DOCK8: variants seen among roughly 807,000 people sequenced by gnomAD.
DOCK8 encodes the protein dedicator of cytokinesis protein 8.
A neutral mutation model predicts 245.6 loss-of-function variants in DOCK8; 141 were observed. That is an observed-to-expected ratio of 0.57 (90% CI 0.50 to 0.66). DOCK8 has a LOEUF of 0.66. DOCK8 is among the 30% of genes least tolerant of loss of function. The pLI, the probability that DOCK8 is intolerant of heterozygous loss-of-function variation, is 0.00. For synonymous variants in DOCK8, 1,168 were observed against 970.2 expected (o/e 1.20, Z -3.79); for missense variants, 2,965 against 2,603.4 (o/e 1.14, Z -3.02).
intron 7 of DOCK8, among the ~76,000 whole-genome samples, chr9:319,358 G>A (rs1044417233): frequency 3.3e-5 from 5 of 152,148 alleles, no homozygotes; most frequent in Non-Finnish European, 7.4e-5. Context: ...TGATGTCCCC[G>A]CAACTGCCAA....
At chr9:421,471 ATCT>A (rs2056277213) in intron 32 of DOCK8, among the ~76,000 whole-genome samples, 1 of 152,188 alleles carries the variant, frequency 6.6e-6, no homozygotes, top group South Asian at 2.1e-4. Context: ...CCCCAAGATC[ATCT>A]TCTCGATCAT....
chr9:432,223 G>C lies in DOCK8; in HGVS notation c.4684G>C (p.Ala1562Pro). The C allele has an allele frequency of 6.2e-7, 1 of 1,613,404 alleles. No homozygotes were observed. Among genetic ancestry groups the C allele is most frequent in the Non-Finnish European group, 8.5e-7 (1 of 1,179,922 alleles). ...GTCCCTGGCATCTTTGGTGGGAAGA[G>C]CACCAGACTTTAATGAAGAGCACCT... ...TMSLASLVGRAPDFNEEHLRR... is the reference protein window; with the variant it reads ...TMSLASLVGRPPDFNEEHLRR... The change falls in exon 37 of 48, where the codon GCA (alanine) becomes CCA (proline). Residue 1562 changes from alanine to proline, a missense_variant. Coordinates refer to ENST00000432829, the MANE Select transcript of DOCK8 (RefSeq NM_203447.4).
At chr9:449,231 T>C (rs531607412) in intron 44 of DOCK8, among the ~76,000 whole-genome samples, 1 of 152,120 alleles carries the variant, frequency 6.6e-6, no homozygotes, top group Non-Finnish European at 1.5e-5. Context: ...ATGCCTGTAA[T>C]CCCAGCTACT....
At chr9:281,260 A>G (rs545082274) in intron 2 of DOCK8, among the ~76,000 whole-genome samples, 2,773 of 141,624 alleles carry the variant, frequency 0.02, 29 homozygotes, top group Non-Finnish European at 0.027. Flanking sequence ...AAAAAAAAAA[A>G]GTAGTTTTGG....
intron 3 of DOCK8, among the ~76,000 whole-genome samples, chr9:288,462 C>T (rs1169777950): frequency 6.6e-6 from 1 of 152,186 alleles, no homozygotes; most frequent in African/African-American, 2.4e-5. Context: ...AATGCCTGCC[C>T]TATGGTGCTG....
At position 277,476 on chromosome 9, in the gene DOCK8, GAA is replaced by G. The variant is rs1563865297; in HGVS notation, c.156+5748_156+5749del. On this transcript the variant is annotated intron_variant, in intron 2 of 47. Transcript: ENST00000432829. ...GAGAAAGAGAGAAGAGAAGAGAAGA[GAA>G]GAGAAGAGAAGACATACAAAAGAAG... is the stretch of plus-strand genomic sequence containing the variant. Among the ~76,000 whole-genome samples the G allele has an allele frequency of 4.2e-4, 62 of 146,010 alleles. 1 individual carries two copies. Among genetic ancestry groups the G allele is most frequent in the Middle Eastern group, 3.4e-3 (1 of 292 alleles).
At chr9:412,404 C>CAAA (rs59340573) in intron 28 of DOCK8, among the ~76,000 whole-genome samples, 31 of 100,762 alleles carry the variant, frequency 3.1e-4, no homozygotes, top group South Asian at 2.3e-3. Context: ...GACCCTGTCT[C>CAAA]AAAAAAAAAA....
At chr9:235,759 A>G (rs1359010934) in intron 1 of DOCK8, among the ~76,000 whole-genome samples, 1 of 152,134 alleles carries the variant, frequency 6.6e-6, no homozygotes, top group Non-Finnish European at 1.5e-5. Context: ...GGAAAAGCGC[A>G]GTATTAGGGT....
rs775292492 is a variant in DOCK8, at chr9:289,533, G to A, written c.356G>A (p.Arg119Lys). 9 of 1,613,610 alleles carry A rather than the reference G, an allele frequency of 5.6e-6. No individual in the cohort carries two copies. The highest frequency in any genetic ancestry group is 7.6e-6 in the Non-Finnish European group (9 of 1,179,680). The change falls in exon 4 of 48, where the codon AGG (arginine) becomes AAG (lysine). Residue 119 changes from arginine (R) to lysine (K), a missense_variant. Coordinates refer to ENST00000432829, the MANE Select transcript of DOCK8 (RefSeq NM_203447.4). ...EEGVELDPHV[R>K]DCVQTYIREW... ...AGGGTTGAACTGGACCCTCATGTCA[G>A]GGACTGTGTTCAGACCTACATCCGT...
chr9:420,520 A>T lies in DOCK8; in HGVS notation c.3960A>T (p.Pro1320=). ...SLIRKWIADL[P]STQLNRILDL... ...TTAGGAAGTGGATTGCTGACCTGCC[A>T]TCAACGCAGCTCAACAGGATTTTAG... The change falls in exon 31 of 48, where the codon CCA becomes CCT. Residue 1320 remains proline (P), a synonymous_variant. Transcript: ENST00000432829. 1 of 1,614,206 alleles carries T rather than the reference A, an allele frequency of 6.2e-7. No individual in the cohort carries two copies. The highest frequency in any genetic ancestry group is 8.5e-7 in the Non-Finnish European group (1 of 1,180,030).
chr9:401,704 G>A (rs907797795), intron 26 of DOCK8, among the ~76,000 whole-genome samples: 9 of 151,948 alleles, frequency 5.9e-5, no homozygotes, highest in African/African-American at 1.9e-4. Flanking sequence ...ACAACCGAGG[G>A]GCCAATACAC....
At chr9:313,335 C>T (rs1173328518) in intron 6 of DOCK8, among the ~76,000 whole-genome samples, 1 of 152,208 alleles carries the variant, frequency 6.6e-6, no homozygotes, top group East Asian at 1.9e-4. Flanking sequence ...AAGTTCTTTA[C>T]TTAGAGCAAA....
chr9:414,824 C>T lies in DOCK8; in HGVS notation c.3573C>T (p.Ser1191=), dbSNP rs13285348. 9.4e-3 allele frequency: 15,126 copies of T among 1,614,196 alleles called. 107 individuals carry two copies. Among genetic ancestry groups the T allele is most frequent in the Non-Finnish European group, 0.012 (13,690 of 1,180,028 alleles). ...GGAAAGCTGTCAGTGCAATTCACAG[C>T]CTGCTAAGTTCTCACGACCTGGACC... is the stretch of plus-strand genomic sequence containing the variant. ...VQRKAVSAIH[S]LLSSHDLDPR... The change falls in exon 29 of 48, where the codon AGC becomes AGT. Residue 1191 remains serine, a synonymous_variant. Transcript: ENST00000432829.
intron 14 of DOCK8, among the ~76,000 whole-genome samples, chr9:357,971 A>C (rs1172868996): frequency 2.6e-5 from 4 of 152,252 alleles, no homozygotes; most frequent in Non-Finnish European, 4.4e-5. Context: ...TGGAAACAGG[A>C]ATAAACACAA....
intron 1 of DOCK8, among the ~76,000 whole-genome samples, chr9:259,015 A>C (rs1163154183): frequency 6.7e-6 from 1 of 148,980 alleles, no homozygotes; most frequent in Non-Finnish European, 1.5e-5. Flanking sequence ...GAAAAAAAAA[A>C]ACAACTCTCG....
At chr9:355,831 C>A (rs1192942553) in intron 14 of DOCK8, among the ~76,000 whole-genome samples, 7 of 152,184 alleles carry the variant, frequency 4.6e-5, no homozygotes, top group African/African-American at 1.7e-4. Context: ...ATCTGCAGAT[C>A]TACATACATA....
At chr9:304,396 C>G (rs544417971) in intron 4 of DOCK8, among the ~76,000 whole-genome samples, 185 bp from the exon 5 acceptor site, 102 of 152,302 alleles carry the variant, frequency 6.7e-4, no homozygotes, top group Non-Finnish European at 5.3e-4. Context: ...ATTTGTATCT[C>G]ATTACAACAG....
At chr9:270,853 A>G (rs770752804) in intron 1 of DOCK8, among the ~76,000 whole-genome samples, 4 of 152,142 alleles carry the variant, frequency 2.6e-5, no homozygotes, top group Non-Finnish European at 4.4e-5. Flanking sequence ...TGAGAATCCA[A>G]CCACCAACAC....
At chr9:251,651 G>A (rs773521906) in intron 1 of DOCK8, among the ~76,000 whole-genome samples, 11 of 152,148 alleles carry the variant, frequency 7.2e-5, no homozygotes, top group Non-Finnish European at 7.3e-5. Context: ...TACCAGTAAA[G>A]CCTTGTACAA....
Sources: allele counts gnomAD v4.1 joint callset (sites outside exome capture counted in the v4.1 genomes callset), GRCh38; gene constraint gnomAD v4.1.1; transcripts MANE v1.5; gene names NCBI Gene and HGNC (gene_info 2026-07-23, HGNC 2026-07-21).